The following FRMD4A variants were observed in gnomAD, a reference collection of about 807,000 sequenced individuals.
FRMD4A encodes FERM domain containing 4A, also known as FERM domain-containing protein 4A.
FRMD4A carries 29 observed loss-of-function variants against 129.1 expected under a neutral mutation model. The observed-to-expected ratio is 0.22, with a 90% CI of 0.17 to 0.31. The LOEUF (loss-of-function observed/expected upper bound fraction) is 0.31. Ranked by LOEUF, FRMD4A falls within the 10% of genes least tolerant of loss-of-function variation. The pLI is 1.00. For synonymous variants in FRMD4A, 634 were observed against 571.6 expected (o/e 1.11, Z -1.56); for missense variants, 1,272 against 1,375.8 (o/e 0.92, Z 1.19).
intron 19 of FRMD4A, among the ~76,000 whole-genome samples, chr10:13,661,507 C>A (rs1471708150): frequency 6.6e-6 from 1 of 152,202 alleles, no homozygotes; most frequent in Non-Finnish European, 1.5e-5. Context: ...TCTGTGTGCA[C>A]CATGTGAGCC....
intron 2 of FRMD4A, among the ~76,000 whole-genome samples, chr10:14,265,212 G>A (rs1844938048): frequency 2.0e-5 from 3 of 152,176 alleles, no homozygotes; most frequent in Admixed American, 6.5e-5. Context: ...TCGTGCCAAG[G>A]TGATAGGACA....
intron 2 of FRMD4A, among the ~76,000 whole-genome samples, chr10:14,015,899 T>C (rs58761321): frequency 0.022 from 3,365 of 152,302 alleles, 124 homozygotes; most frequent in African/African-American, 0.077. Context: ...AGGACTGAGG[T>C]ACAGAGACTG....
At chr10:13,711,649 C>T (rs2088032906) in intron 12 of FRMD4A, among the ~76,000 whole-genome samples, 1 of 152,232 alleles carries the variant, frequency 6.6e-6, no homozygotes, top group Admixed American at 6.5e-5. Flanking sequence ...TACCAATAAT[C>T]AAAGAATGTA....
At chr10:14,162,630 G>GTTTTTTTTTTT (rs556368229) in intron 2 of FRMD4A, among the ~76,000 whole-genome samples, 6 of 117,342 alleles carry the variant, frequency 5.1e-5, no homozygotes, top group African/African-American at 1.1e-4. Flanking sequence ...GAGTTTCTCT[G>GTTTTTTTTTTT]TTTTTTTTTT....
chr10:13,738,585 A>C (rs2135045837), intron 11 of FRMD4A, among the ~76,000 whole-genome samples: 1 of 152,220 alleles, frequency 6.6e-6, no homozygotes, highest in East Asian at 1.9e-4. Flanking sequence ...GGAAGCTGAA[A>C]CAGTCTCAGG....
rs1263346976 is a variant in FRMD4A at position 13,644,669 on chromosome 10, T to G, written c.*2369A>C. 6.6e-6 allele frequency: 1 copy of G among 152,236 alleles called. No homozygotes were observed. The highest frequency in any genetic ancestry group is 1.5e-5 in the Non-Finnish European group (1 of 68,052). The allele number at this position is 152,236 out of a possible 1,614,324, so 9.4% of individuals were successfully genotyped here. A position where few individuals can be genotyped will look rare whatever the true frequency, so the allele number is the denominator to read the frequency against. On this transcript the variant is annotated 3_prime_UTR_variant, in exon 25 of 25. Coordinates refer to ENST00000357447, the MANE Select transcript of FRMD4A (RefSeq NM_018027.5). ...GCATGATGTAGAACATGTAACCATG[T>G]AACCTCATCAGCTACCTTTTCCCTT... is the stretch of plus-strand genomic sequence containing the variant.
chr10:13,822,518 A>G (rs1331599429), intron 3 of FRMD4A, among the ~76,000 whole-genome samples: 2 of 152,194 alleles, frequency 1.3e-5, no homozygotes, highest in East Asian at 1.9e-4. Context: ...AAAGTTTCCT[A>G]TTGGTAGAAT....
intron 2 of FRMD4A, among the ~76,000 whole-genome samples, chr10:13,921,409 G>A (rs913246105): frequency 4.6e-5 from 7 of 152,026 alleles, no homozygotes; most frequent in Non-Finnish European, 1.0e-4. Flanking sequence ...CCACAGGCGT[G>A]TGCCACCATG....
chr10:13,679,211 C>T (rs568198957), intron 15 of FRMD4A, among the ~76,000 whole-genome samples: 1 of 150,916 alleles, frequency 6.6e-6, no homozygotes, highest in East Asian at 2.0e-4. Context: ...GTCACGAGGT[C>T]AGGAGGTCAA....
chr10:13,685,527 C>CA, intron 15 of FRMD4A: 1 of 985,344 alleles, frequency 1.0e-6, no homozygotes. Flanking sequence ...TAGGCTATTG[C>CA]AATACCAACG....
At chr10:14,216,396 C>T (rs542496444) in intron 2 of FRMD4A, among the ~76,000 whole-genome samples, 2 of 152,198 alleles carry the variant, frequency 1.3e-5, no homozygotes, top group Admixed American at 6.5e-5. Context: ...GAAGGCTGGG[C>T]GCAATGACTC....
intron 2 of FRMD4A, among the ~76,000 whole-genome samples, chr10:13,929,178 T>G (rs923885052): frequency 2.0e-5 from 3 of 152,218 alleles, no homozygotes; most frequent in Non-Finnish European, 2.9e-5. Context: ...CCACTTGACA[T>G]ATAAAATGTA....
intron 15 of FRMD4A, among the ~76,000 whole-genome samples, chr10:13,682,435 G>A (rs1189509965): frequency 2.0e-5 from 3 of 151,748 alleles, no homozygotes; most frequent in African/African-American, 7.3e-5. Context: ...CTAAACAGGA[G>A]CTTCCTACCT....
chr10:14,167,795 C>T (rs551572593), intron 2 of FRMD4A, among the ~76,000 whole-genome samples: 44 of 152,074 alleles, frequency 2.9e-4, no homozygotes, highest in African/African-American at 1.0e-3. Context: ...ACAGACAGGG[C>T]AGGATGGAAA....
At chr10:14,098,921 C>T (rs573001589) in intron 2 of FRMD4A, among the ~76,000 whole-genome samples, 2 of 152,154 alleles carry the variant, frequency 1.3e-5, no homozygotes, top group African/African-American at 4.8e-5. Context: ...CCAGCTCTGC[C>T]GCTTTTCAGT....
chr10:13,874,208 T>A (rs2094467255), intron 2 of FRMD4A, among the ~76,000 whole-genome samples: 1 of 127,836 alleles, frequency 7.8e-6, no homozygotes, highest in African/African-American at 3.1e-5. Context: ...ATTGCACGAC[T>A]GCACTCCAGC....
chr10:13,685,275 G>T (rs2084964105), intron 15 of FRMD4A: 2 of 985,300 alleles, frequency 2.0e-6, no homozygotes, highest in South Asian at 4.7e-5. Context: ...TGGTGGCTGG[G>T]AGTCTCTGGA....
At chr10:14,209,236 T>C (rs1002883973) in intron 2 of FRMD4A, among the ~76,000 whole-genome samples, 8 of 152,320 alleles carry the variant, frequency 5.3e-5, no homozygotes, top group Admixed American at 5.2e-4. Context: ...TGTCAAGTTA[T>C]TTGACAAAAT....
At chr10:14,318,856 T>C (rs562623047) in intron 2 of FRMD4A, among the ~76,000 whole-genome samples, 1 of 152,334 alleles carries the variant, frequency 6.6e-6, no homozygotes, top group South Asian at 2.1e-4. Context: ...ACCTTGGATC[T>C]AGCCTTAATG....
Sources: gnomAD v4.1 joint callset for allele counts (sites outside exome capture counted in the v4.1 genomes callset) on GRCh38, gnomAD v4.1.1 for gene constraint, MANE v1.5 for transcripts, NCBI Gene and HGNC (gene_info 2026-07-23, HGNC 2026-07-21) for gene names.